PIK3CA: variants seen among roughly 807,000 people sequenced by gnomAD.
The protein encoded by PIK3CA is phosphatidylinositol 4,5-bisphosphate 3-kinase catalytic subunit alpha isoform.
PIK3CA carries 27 observed loss-of-function variants against 138.2 expected under a neutral mutation model. That is an observed-to-expected ratio of 0.20 (90% CI 0.14 to 0.27). The LOEUF is 0.27. Ranked by LOEUF, PIK3CA falls within the 10% of genes least tolerant of loss-of-function variation. The probability of loss-of-function intolerance (pLI) is 1.00; values close to 1 mark genes in which losing one functional copy is unlikely to be tolerated. For synonymous variants in PIK3CA, 358 were observed against 413.2 expected (o/e 0.87, Z 1.62); for missense variants, 544 against 1,277.4 (o/e 0.43, Z 8.75).
At chr3:179,166,250 T>C (rs1024791719) in intron 1 of PIK3CA, among the ~76,000 whole-genome samples, 5 of 152,218 alleles carry the variant, frequency 3.3e-5, no homozygotes. Context: ...GGCTCAAGAC[T>C]TACACATAAG....
rs201601233 is a variant in PIK3CA, at chr3:179,230,139, T to C, written c.2784+18T>C. 1.3e-6 allele frequency: 2 copies of C among 1,587,480 alleles called. No individual in the cohort carries two copies. The highest frequency in any genetic ancestry group is 8.6e-7 in the Non-Finnish European group (1 of 1,156,220). On this transcript the variant is annotated intron_variant, in intron 19 of 20. Coordinates refer to ENST00000263967, the MANE Select transcript of PIK3CA (RefSeq NM_006218.4). The surrounding 1 kb of genome is among the most constrained non-coding windows in gnomAD (Gnocchi z 5.4). ...ATGGACAAGTAATGGTTTTCTCTGTTTAAAATGTTTTGGTGTTCTTAATTT... is the reference window on the plus strand; with the variant it reads ...ATGGACAAGTAATGGTTTTCTCTGTCTAAAATGTTTTGGTGTTCTTAATTT...
At chr3:179,211,930 A>G (rs1175531149) in intron 9 of PIK3CA, among the ~76,000 whole-genome samples, 2 of 152,274 alleles carry the variant, frequency 1.3e-5, no homozygotes, top group East Asian at 1.9e-4. Flanking sequence ...GATGTGTACC[A>G]TATATTGAGG....
At chr3:179,157,158 T>C (rs1197454168) in intron 1 of PIK3CA, among the ~76,000 whole-genome samples, 3 of 152,170 alleles carry the variant, frequency 2.0e-5, no homozygotes, top group Non-Finnish European at 4.4e-5. Flanking sequence ...AACCCTAACT[T>C]TTATGCATAT....
intron 1 of PIK3CA, among the ~76,000 whole-genome samples, chr3:179,157,939 G>A (rs1723180934): frequency 6.6e-6 from 1 of 152,022 alleles, no homozygotes; most frequent in South Asian, 2.1e-4. Context: ...GTTGTAATGA[G>A]GATTAAATAA....
chr3:179,210,457 T>C lies in PIK3CA; in HGVS notation c.1431T>C (p.Phe477=), dbSNP rs2108401299. ...AAACTCCATGCTTAGAGTTGGAGTT[T>C]GACTGGTTCAGCAGTGTGGTAAAGT... ...NKETPCLELE[F]DWFSSVVKFP... The change falls in exon 9 of 21, where the codon TTT becomes TTC. Residue 477 remains phenylalanine, a synonymous_variant. Coordinates refer to ENST00000263967, the MANE Select transcript of PIK3CA (RefSeq NM_006218.4). The C allele has an allele frequency of 6.2e-7, 1 of 1,613,984 alleles. No individual in the cohort carries two copies. Among genetic ancestry groups the C allele is most frequent in the Non-Finnish European group, 8.5e-7 (1 of 1,179,942 alleles).
chr3:179,224,257 A>C, intron 15 of PIK3CA, 70 bp downstream of exon 15: 2 of 758,292 alleles, frequency 2.6e-6, no homozygotes. Flanking sequence ...TGAGAAAAGT[A>C]AAAATGTCTG....
intron 20 of PIK3CA, among the ~76,000 whole-genome samples, chr3:179,232,269 T>A (rs1464229154): frequency 6.6e-6 from 1 of 152,194 alleles, no homozygotes; most frequent in Non-Finnish European, 1.5e-5. Context: ...CTTCGATCCA[T>A]CTTGAGTTGA....
chr3:179,164,193 T>C (rs1400767667), intron 1 of PIK3CA, among the ~76,000 whole-genome samples: 1 of 152,040 alleles, frequency 6.6e-6, no homozygotes, highest in African/African-American at 2.4e-5. Context: ...ACCAAAAATA[T>C]CCAGACAAAA....
chr3:179,166,142 A>C (rs998391616), intron 1 of PIK3CA, among the ~76,000 whole-genome samples: 1 of 152,226 alleles, frequency 6.6e-6, no homozygotes, highest in African/African-American at 2.4e-5. Flanking sequence ...TAACAATCCA[A>C]TAAAGAAGGC....
intron 1 of PIK3CA, among the ~76,000 whole-genome samples, chr3:179,170,790 A>G (rs1488775490): frequency 6.6e-6 from 1 of 152,228 alleles, no homozygotes; most frequent in African/African-American, 2.4e-5. Flanking sequence ...GAGGCACAAA[A>G]TGCATGAAAC....
intron 1 of PIK3CA, among the ~76,000 whole-genome samples, chr3:179,189,985 G>A (rs1248805575): frequency 6.6e-6 from 1 of 152,176 alleles, no homozygotes; most frequent in Non-Finnish European, 1.5e-5. Flanking sequence ...AAACAGCTCA[G>A]TGACTCTTAG....
chr3:179,204,710 A>G lies in PIK3CA; in HGVS notation c.1145+122A>G, dbSNP rs185373645. On this transcript the variant is annotated intron_variant, in intron 6 of 20. Transcript: ENST00000263967. The stretch of plus-strand genomic sequence containing the variant: ...ACAAAGCAAGACCCCATTTCTACAA[A>G]AAGTTTTTCTTAAAAATTAGCTAGG... 470 of 528,302 alleles carry G rather than the reference A, an allele frequency of 8.9e-4. 1 individual carries two copies. The highest frequency in any genetic ancestry group is 1.5e-3 in the South Asian group (54 of 37,096). The allele number at this position is 528,302 out of a possible 1,614,324, so 32.7% of individuals were successfully genotyped here.
intron 9 of PIK3CA, among the ~76,000 whole-genome samples, chr3:179,213,206 A>G (rs1724759674): frequency 6.6e-6 from 1 of 152,220 alleles, no homozygotes; most frequent in Non-Finnish European, 1.5e-5. Flanking sequence ...CCTCTGAGGT[A>G]TTGTGAGTGG....
intron 1 of PIK3CA, among the ~76,000 whole-genome samples, chr3:179,160,475 G>T (rs759344408): frequency 1.3e-5 from 2 of 152,108 alleles, no homozygotes; most frequent in Non-Finnish European, 2.9e-5. Context: ...AGCCTGTAGT[G>T]CCCAACCAAA....
intron 20 of PIK3CA, among the ~76,000 whole-genome samples, chr3:179,232,620 T>A (rs983165357): frequency 2.2e-4 from 33 of 151,846 alleles, no homozygotes; most frequent in African/African-American, 7.7e-4. Flanking sequence ...AATTTTAGGA[T>A]TTTTTTTTCT....
intron 1 of PIK3CA, among the ~76,000 whole-genome samples, chr3:179,187,829 G>T (rs1724030877): frequency 6.6e-6 from 1 of 151,150 alleles, no homozygotes. Context: ...AGTAGAGATG[G>T]GGTTTCACCA....
rs1003780665 is a variant in PIK3CA, at chr3:179,224,162, C to T, written c.2269C>T (p.Pro757Ser). 1 of 1,576,322 alleles carries T rather than the reference C, an allele frequency of 6.3e-7. No individual in the cohort carries two copies. The highest frequency in any genetic ancestry group is 8.7e-7 in the Non-Finnish European group (1 of 1,153,744). Residue 757 changes from proline (P) to serine (S), a missense_variant, in exon 15 of 21, where the codon CCT becomes TCT. Transcript: ENST00000263967. ...ACAGGGCTTTCTGTCTCCTCTAAAC[C>T]CTGCTCATCAACTAGGAAACCTCAG... is the stretch of plus-strand genomic sequence containing the variant. ...ALQGFLSPLN[P>S]AHQLGNLRLE...
Position 179,238,730 on chromosome 3 carries a change from T to G in PIK3CA, c.*4366T>G, listed in dbSNP as rs1725380954. The G allele has an allele frequency of 4.4e-6, 1 of 226,238 alleles. No individual in the cohort carries two copies. The highest frequency in any genetic ancestry group is 2.2e-5 in the African/African-American group (1 of 44,970). The allele number at this position is 226,238 out of a possible 1,614,324, so 14.0% of individuals were successfully genotyped here. A position where few individuals can be genotyped will look rare whatever the true frequency, so the allele number is the denominator to read the frequency against. ...AATTCATTTTGTTCTCTCTTCTTCA[T>G]TATTAGTGCATTTGGTGTGTGTATA... On this transcript the variant is annotated 3_prime_UTR_variant, in exon 21 of 21. Coordinates refer to ENST00000263967, the MANE Select transcript of PIK3CA (RefSeq NM_006218.4).
At chr3:179,231,447 C>G (rs948481402) in intron 20 of PIK3CA, among the ~76,000 whole-genome samples, 1 of 152,054 alleles carries the variant, frequency 6.6e-6, no homozygotes, top group Non-Finnish European at 1.5e-5. Flanking sequence ...TTCACCACAT[C>G]CATGTCAACA....
Sources: allele counts gnomAD v4.1 joint callset (sites outside exome capture counted in the v4.1 genomes callset), GRCh38; gene constraint gnomAD v4.1.1; non-coding constraint Gnocchi (gnomAD v3.1); transcripts MANE v1.5; gene names NCBI Gene and HGNC (gene_info 2026-07-23, HGNC 2026-07-21).